The following MARK3 variants were observed in gnomAD, a reference collection of about 807,000 sequenced individuals.
MARK3 encodes microtubule affinity regulating kinase 3.
In MARK3, 46 loss-of-function variants were observed where a neutral mutation model predicts 90.1. The ratio of observed to expected loss-of-function variants is 0.51; its 90% CI spans 0.40 to 0.65. MARK3 has a LOEUF of 0.65. MARK3 is among the 30% of genes least tolerant of loss of function. The pLI is 0.00. For missense variants in MARK3, 818 were observed against 947.2 expected (o/e 0.86, Z 1.79); for synonymous variants, 321 against 332.6 (o/e 0.97, Z 0.38).
intron 5 of MARK3, among the ~76,000 whole-genome samples, chr14:103,452,315 C>T (rs867462177): frequency 1.3e-5 from 2 of 151,976 alleles, no homozygotes; most frequent in Non-Finnish European, 1.5e-5. Context: ...CACCCATGTC[C>T]AGAATGTTTT....
intron 7 of MARK3, among the ~76,000 whole-genome samples, chr14:103,463,993 C>T (rs1380654484): frequency 6.6e-6 from 1 of 152,148 alleles, no homozygotes; most frequent in Non-Finnish European, 1.5e-5. Context: ...GCCTGAAATA[C>T]CCCTCATCAA....
At chr14:103,393,302 A>G (rs771707870) in intron 1 of MARK3, among the ~76,000 whole-genome samples, 2 of 152,068 alleles carry the variant, frequency 1.3e-5, no homozygotes, top group African/African-American at 2.4e-5. Context: ...CAGCTTGTCA[A>G]CTTCTAAGCA....
intron 2 of MARK3, among the ~76,000 whole-genome samples, chr14:103,414,826 C>T (rs1455023329): frequency 1.3e-5 from 2 of 151,988 alleles, no homozygotes; most frequent in Non-Finnish European, 2.9e-5. Flanking sequence ...ACAAGGATGT[C>T]GTGAACATAA....
chr14:103,474,345 A>G (rs1400518684), intron 12 of MARK3, among the ~76,000 whole-genome samples: 4 of 152,170 alleles, frequency 2.6e-5, no homozygotes, highest in African/African-American at 9.7e-5. Context: ...GAGTCTCTAT[A>G]TGGTTTACTA....
chr14:103,468,007 GC>G (rs771440815), intron 11 of MARK3, 25 bp from the exon 12 acceptor site: 1 of 1,609,586 alleles, frequency 6.2e-7, no homozygotes, highest in South Asian at 1.1e-5. Flanking sequence ...GTTGTGGTTT[GC>G]TCTGTTTTTC....
At chr14:103,445,908 A>C (rs1410766257) in intron 3 of MARK3, among the ~76,000 whole-genome samples, 1 of 152,218 alleles carries the variant, frequency 6.6e-6, no homozygotes, top group East Asian at 1.9e-4. Flanking sequence ...CTATGTGGTC[A>C]TTAGAATGCT....
rs202211193 is a variant in MARK3, at chr14:103,498,470, A to ATT, written c.1845-18_1845-17dup. On this transcript the variant is annotated intron_variant, in intron 15 of 17. Coordinates refer to ENST00000429436, the MANE Select transcript of MARK3 (RefSeq NM_001128918.3). ...TAATTTGTGCGAGTTATTTTTGTTA[A>ATT]TTTTTTTTTTTTTTTACTTAATTTC... The ATT allele has an allele frequency of 9.4e-3, 9,814 of 1,047,140 alleles. 2 individuals are homozygous for ATT. Among genetic ancestry groups the ATT allele is most frequent in the East Asian group, 0.036 (937 of 26,230 alleles). 64.9% of individuals were successfully genotyped at this position (1,047,140 alleles called of 1,614,324 possible). A position where few individuals can be genotyped will look rare whatever the true frequency, so the allele number is the denominator to read the frequency against.
At chr14:103,458,233 G>A (rs1291973732) in intron 6 of MARK3, among the ~76,000 whole-genome samples, 2 of 152,014 alleles carry the variant, frequency 1.3e-5, no homozygotes, top group South Asian at 2.1e-4. Context: ...TGAGGTGGGC[G>A]GATCACCTGA....
At chr14:103,416,529 G>A (rs750358914) in intron 2 of MARK3, among the ~76,000 whole-genome samples, 1 of 152,168 alleles carries the variant, frequency 6.6e-6, no homozygotes, top group African/African-American at 2.4e-5. Context: ...CCTGCACTTC[G>A]GGAGGCCGAA....
intron 3 of MARK3, among the ~76,000 whole-genome samples, chr14:103,430,039 G>A (rs2092534143): frequency 6.6e-6 from 1 of 151,466 alleles, no homozygotes. Flanking sequence ...TTTATTATTT[G>A]TCACATCATT....
chr14:103,473,154 A>C lies in MARK3; in HGVS notation c.1265-1839A>C, dbSNP rs186952439. ...AAATGACAGAATTCTAGAGATGGCG[A>C]GCAGGTTAGCGGTTGCAGGGGTTTA... On this transcript the variant is annotated intron_variant, in intron 12 of 17. Coordinates refer to ENST00000429436, the MANE Select transcript of MARK3 (RefSeq NM_001128918.3). Among the ~76,000 whole-genome samples the C allele has an allele frequency of 9.8e-5, 15 of 152,338 alleles. No homozygotes were observed. In the East Asian group the frequency reaches 2.9e-3, roughly 29 times the overall value.
chr14:103,499,703 G>A (rs181944171), intron 16 of MARK3: 1 of 155,002 alleles, frequency 6.5e-6, no homozygotes, highest in Non-Finnish European at 1.4e-5. Flanking sequence ...GACAGAACAG[G>A]TAATAACTGA....
Position 103,470,455 on chromosome 14 carries a change from A to ATTTTT in MARK3, c.1264+2282_1264+2286dup, listed in dbSNP as rs6145477. Among the ~76,000 whole-genome samples, 16 of 55,056 alleles carry ATTTTT rather than the reference A, an allele frequency of 2.9e-4. 3 individuals carry two copies. Among genetic ancestry groups the ATTTTT allele is most frequent in the Non-Finnish European group, 5.1e-4 (15 of 29,394 alleles). 36.1% of individuals were successfully genotyped at this position (55,056 alleles called of 152,430 possible). ...ATTCCAGGATTCAGGAACTAAATCTATTTTTTTTTTTTTTTTTGAGATGGA... is the reference window on the plus strand; with the variant it reads ...ATTCCAGGATTCAGGAACTAAATCTATTTTTTTTTTTTTTTTTTTTTTGAGATGGA... On this transcript the variant is annotated intron_variant, in intron 12 of 17. Transcript: ENST00000429436.
Position 103,468,948 on chromosome 14 carries a change from C to T in MARK3, c.1264+762C>T, listed in dbSNP as rs111240350. The stretch of plus-strand genomic sequence containing the variant: ...CCAGCGCTAGAACTGGGCGCTGTAC[C>T]GAACTGAATAGAACTGCTAGTCTGT... On this transcript the variant is annotated intron_variant, in intron 12 of 17. Transcript: ENST00000429436. Among the ~76,000 whole-genome samples the T allele has an allele frequency of 9.6e-4, 146 of 151,918 alleles. 2 individuals carry two copies. The highest frequency in any genetic ancestry group is 3.4e-3 in the African/African-American group (140 of 41,496).
At chr14:103,442,836 A>G (rs2092892473) in intron 3 of MARK3, among the ~76,000 whole-genome samples, 2 of 152,240 alleles carry the variant, frequency 1.3e-5, no homozygotes, top group Admixed American at 1.3e-4. Context: ...AGGGAACAAA[A>G]TAAATCTCAG....
intron 2 of MARK3, among the ~76,000 whole-genome samples, chr14:103,406,374 A>G (rs996313954): frequency 1.4e-5 from 2 of 146,496 alleles, no homozygotes; most frequent in African/African-American, 5.0e-5. Context: ...ACAGGCGCAC[A>G]CCACCACGCC....
intron 11 of MARK3, chr14:103,467,674 C>CAAAAAAACAAAAAAAAAAAA (rs2093537374): frequency 2.2e-5 from 1 of 44,910 alleles, no homozygotes; most frequent in African/African-American, 1.0e-4. Context: ...GACTCTGTCT[C>CAAAAAAACAAAAAAAAAAAA]AAAAAAAAAA....
At chr14:103,415,685 A>G (rs1050772619) in intron 2 of MARK3, among the ~76,000 whole-genome samples, 2 of 152,186 alleles carry the variant, frequency 1.3e-5, no homozygotes, top group Admixed American at 1.3e-4. Flanking sequence ...CACACGAACT[A>G]CAGAACTCAC....
At chr14:103,496,338 T>C (rs892239959) in intron 15 of MARK3, among the ~76,000 whole-genome samples, 5 of 152,050 alleles carry the variant, frequency 3.3e-5, no homozygotes, top group Admixed American at 2.6e-4. Context: ...CCCAGCACTT[T>C]GGGAGGCTGA....
Sources: allele counts gnomAD v4.1 joint callset (sites outside exome capture counted in the v4.1 genomes callset), GRCh38; gene constraint gnomAD v4.1.1; transcripts MANE v1.5; gene names NCBI Gene and HGNC (gene_info 2026-07-23, HGNC 2026-07-21).